Variants in DNAH8 observed in about 807,000 individuals in gnomAD.
DNAH8 encodes axonemal beta dynein heavy chain 8.
Under a neutral mutation model 562.1 loss-of-function variants are expected in DNAH8, and 382 were observed. The observed-to-expected ratio is 0.68, with a 90% confidence interval of 0.63 to 0.74. The LOEUF is 0.74. DNAH8 is among the 30% of genes least tolerant of loss of function. DNAH8 has a pLI of 0.00. For missense variants in DNAH8, 5,203 were observed against 5,620.4 expected (o/e 0.93, Z 2.37); for synonymous variants, 1,881 against 1,919.4 (o/e 0.98, Z 0.52).
At chr6:38,916,948 G>T (rs1262225946) in intron 68 of DNAH8, among the ~76,000 whole-genome samples, 2 of 152,122 alleles carry the variant, frequency 1.3e-5, no homozygotes, top group Admixed American at 6.5e-5. Context: ...GAAGATGCAA[G>T]TTATCTAAAT....
In DNAH8 at chr6:38,938,947, GA is replaced by G. The variant is rs756851431; in HGVS notation, c.11967del (p.Thr3991GlnfsTer19). ...LLMTLKIDLQ[R>X]GTVKHREFQA... ...ATGACCTTAAAGATTGACCTTCAGA[GA>G]GGGACAGTTAAGCACAGAGAGTTTC... On this transcript the variant is annotated frameshift_variant, in exon 79 of 93. Transcript: ENST00000327475. LOFTEE classifies it high-confidence loss of function. 3.7e-5 allele frequency: 60 copies of G among 1,613,788 alleles called. No homozygotes were observed. The highest frequency in any genetic ancestry group is 4.9e-5 in the Non-Finnish European group (58 of 1,179,904).
intron 31 of DNAH8, among the ~76,000 whole-genome samples, chr6:38,832,829 A>G (rs1326198560): frequency 1.3e-5 from 2 of 152,092 alleles, no homozygotes; most frequent in Non-Finnish European, 2.9e-5. Flanking sequence ...AGCAAATTTT[A>G]TAGAGAAAGA....
intron 91 of DNAH8, among the ~76,000 whole-genome samples, chr6:39,021,339 C>G (rs1009263271): frequency 6.6e-6 from 1 of 152,172 alleles, no homozygotes; most frequent in African/African-American, 2.4e-5. Flanking sequence ...TTAGTACATC[C>G]CCCTCCTCAG....
intron 12 of DNAH8, among the ~76,000 whole-genome samples, chr6:38,773,338 T>C (rs1189105016): frequency 6.6e-6 from 1 of 152,082 alleles, no homozygotes. Context: ...GACTAAACCT[T>C]ATTAGTGGTA....
Position 38,832,344 on chromosome 6 carries a change from T to G in DNAH8, c.4211T>G (p.Val1404Gly). The G allele has an allele frequency of 6.2e-7, 1 of 1,613,308 alleles. No individual in the cohort carries two copies. The highest frequency in any genetic ancestry group is 8.5e-7 in the Non-Finnish European group (1 of 1,179,310). ...SKAVSVQEDL[V>G]QVQPKFKSNL... Reference sequence around the variant, plus strand: ...TAGGTTTCAGTACAAGAGGACCTAGTTCAAGTGCAGCCAAAGTTTAAAAGC... The same window carrying G: ...TAGGTTTCAGTACAAGAGGACCTAGGTCAAGTGCAGCCAAAGTTTAAAAGC... The change falls in exon 31 of 93, where the codon GTT becomes GGT. Residue 1404 changes from valine (V) to glycine (G), a missense_variant. Coordinates refer to ENST00000327475, the MANE Select transcript of DNAH8 (RefSeq NM_001206927.2).
rs200949378 is a variant in DNAH8, at chr6:38,973,752, A to C, written c.12617A>C (p.Asp4206Ala). ...ETLITTEASDDSFRVWITTEP... is the reference protein window; with the variant it reads ...ETLITTEASDASFRVWITTEP... Reference sequence around the variant, plus strand: ...CTAATTACCACTGAAGCCAGTGATGATTCTTTCCGAGTATGGATAACTACG... The same window carrying C: ...CTAATTACCACTGAAGCCAGTGATGCTTCTTTCCGAGTATGGATAACTACG... The change falls in exon 84 of 93, where the codon GAT (aspartate) becomes GCT (alanine). Residue 4206 changes from aspartate to alanine, a missense_variant. By Grantham distance (126) the Asp-to-Ala change is moderately radical. Transcript: ENST00000327475. 2.5e-4 allele frequency: 402 copies of C among 1,611,552 alleles called. No homozygotes were observed. Among genetic ancestry groups the C allele is most frequent in the Non-Finnish European group, 3.2e-4 (377 of 1,179,030 alleles).
chr6:38,945,378 G>T, intron 79 of DNAH8, 89 bp from the exon 80 acceptor site: 2 of 1,345,830 alleles, frequency 1.5e-6, no homozygotes, highest in South Asian at 2.7e-5. Flanking sequence ...TCAGTAATGT[G>T]GCTATTTTGC....
intron 58 of DNAH8, among the ~76,000 whole-genome samples, chr6:38,893,362 G>A (rs529241468): frequency 6.6e-6 from 1 of 152,284 alleles, no homozygotes; most frequent in South Asian, 2.1e-4. Context: ...ATGAAAAGTA[G>A]AGGGAAATAT....
At chr6:38,858,945 T>C (rs1374290602) in intron 42 of DNAH8, among the ~76,000 whole-genome samples, 1 of 152,140 alleles carries the variant, frequency 6.6e-6, no homozygotes, top group Non-Finnish European at 1.5e-5. Flanking sequence ...TCTTTTAAAA[T>C]TAAGTGCTGA....
chr6:38,856,069 G>T (rs886833012), intron 41 of DNAH8, among the ~76,000 whole-genome samples: 1 of 152,092 alleles, frequency 6.6e-6, no homozygotes, highest in Non-Finnish European at 1.5e-5. Context: ...CTCCTACCTG[G>T]CTATAATTTT....
In DNAH8 at chr6:38,951,306, AT is replaced by A. The variant is rs745807563; in HGVS notation, c.12249-10del. The stretch of plus-strand genomic sequence containing the variant: ...GTTTAGTTTATTTCGCCTAACTTGT[AT>A]TCATTTTTAGGTCTTGGTGCCCAGA... On this transcript the variant is annotated splice_polypyrimidine_tract_variant and intron_variant, in intron 81 of 92. Coordinates refer to ENST00000327475, the MANE Select transcript of DNAH8 (RefSeq NM_001206927.2). 15 of 1,611,978 alleles carry A rather than the reference AT, an allele frequency of 9.3e-6. No individual in the cohort carries two copies. In the East Asian group the frequency reaches 3.1e-4, roughly 34 times the overall value.
intron 21 of DNAH8, among the ~76,000 whole-genome samples, chr6:38,802,945 A>G (rs1770908972): frequency 6.6e-6 from 1 of 152,254 alleles, no homozygotes; most frequent in African/African-American, 2.4e-5. Context: ...TGATTGAGTC[A>G]GGGATAGGTC....
intron 79 of DNAH8, 98 bp from the exon 80 acceptor site, chr6:38,945,369 C>A (rs1761317757): frequency 2.4e-6 from 3 of 1,274,646 alleles, no homozygotes; most frequent in East Asian, 4.7e-5. Flanking sequence ...CCTATATTTT[C>A]AGTAATGTGG....
In DNAH8 at chr6:38,734,540, C is replaced by A. The variant is rs1254654602; in HGVS notation, c.677C>A (p.Ala226Glu). 2 of 1,613,800 alleles carry A rather than the reference C, an allele frequency of 1.2e-6. No individual in the cohort carries two copies. Among genetic ancestry groups the A allele is most frequent in the African/African-American group, 2.7e-5 (2 of 74,902 alleles). Reference protein sequence around the residue: ...AKMMKLYIDNAAPDKLKGLCI... With the variant: ...AKMMKLYIDNEAPDKLKGLCI... Reference sequence around the variant, plus strand: ...ATGATGAAATTGTATATAGACAATGCAGCCCCGGATAAACTAAAAGGACTG... The same window carrying A: ...ATGATGAAATTGTATATAGACAATGAAGCCCCGGATAAACTAAAAGGACTG... The change falls in exon 5 of 93, where the codon GCA (alanine) becomes GAA (glutamate). Residue 226 changes from alanine (A) to glutamate (E), a missense_variant. Ala to Glu is a moderately radical substitution (Grantham distance 107). Transcript: ENST00000327475.
At chr6:38,759,734 C>G (rs971230505) in intron 10 of DNAH8, among the ~76,000 whole-genome samples, 1 of 152,124 alleles carries the variant, frequency 6.6e-6, no homozygotes, top group Non-Finnish European at 1.5e-5. Flanking sequence ...CCCCCAACCC[C>G]CCAGGTGTTG....
intron 9 of DNAH8, among the ~76,000 whole-genome samples, chr6:38,754,810 CT>C (rs1176953451): frequency 2.0e-5 from 3 of 152,168 alleles, no homozygotes; most frequent in Admixed American, 6.5e-5. Flanking sequence ...GATTCTAAGA[CT>C]TTTTTTCACA....
Position 38,790,287 on chromosome 6 carries a change from A to G in DNAH8, c.2665-2A>G, listed in dbSNP as rs750676870. 6.4e-7 allele frequency: 1 copy of G among 1,564,370 alleles called. No individual in the cohort carries two copies. The highest frequency in any genetic ancestry group is 8.8e-7 in the Non-Finnish European group (1 of 1,138,132). ...AAGCAGTTGTGTTTTTACCGTTTCTAGGTGGAATCTGTGTTGAGGCAAGGA... is the reference window on the plus strand; with the variant it reads ...AAGCAGTTGTGTTTTTACCGTTTCTGGGTGGAATCTGTGTTGAGGCAAGGA... On this transcript the variant is annotated splice_acceptor_variant, in intron 19 of 92. Coordinates refer to ENST00000327475, the MANE Select transcript of DNAH8 (RefSeq NM_001206927.2). LOFTEE classifies it high-confidence loss of function.
chr6:38,745,694 A>G (rs1485885745), intron 8 of DNAH8, among the ~76,000 whole-genome samples: 1 of 152,158 alleles, frequency 6.6e-6, no homozygotes, highest in Admixed American at 6.5e-5. Flanking sequence ...TTTGACTGTC[A>G]TGTCTCTTTA....
At chr6:38,881,860 A>C (rs1383972780) in intron 53 of DNAH8, among the ~76,000 whole-genome samples, 12 of 151,764 alleles carry the variant, frequency 7.9e-5, no homozygotes, top group Non-Finnish European at 1.8e-4. Flanking sequence ...CTTGAAATCA[A>C]TTTCTTATGG....
Sources: allele counts gnomAD v4.1 joint callset (sites outside exome capture counted in the v4.1 genomes callset), GRCh38; gene constraint gnomAD v4.1.1; transcripts MANE v1.5; gene names NCBI Gene and HGNC (gene_info 2026-07-23, HGNC 2026-07-21).